Variants in MASP1 observed in about 807,000 individuals in gnomAD.
The protein encoded by MASP1 is mannan-binding lectin serine protease 1.
A neutral mutation model predicts 77.1 loss-of-function variants in MASP1; 59 were observed. The ratio of observed to expected loss-of-function variants is 0.77; its 90% CI spans 0.62 to 0.95. The LOEUF (loss-of-function observed/expected upper bound fraction) is 0.95, where lower values mean the gene tolerates loss of function less well. Ranked by LOEUF, MASP1 falls within the 40% of genes least tolerant of loss-of-function variation. The pLI is 0.00. For missense variants in MASP1, 885 were observed against 912.9 expected (o/e 0.97, Z 0.39); for synonymous variants, 362 against 354.5 (o/e 1.02, Z -0.24).
chr3:187,249,121 G>A lies in MASP1; in HGVS notation c.1090+1130C>T, dbSNP rs553694164. Among the ~76,000 whole-genome samples the A allele has an allele frequency of 9.2e-5, 14 of 152,284 alleles. No individual in the cohort carries two copies. The South Asian group carries it at 1.2e-3, about 14-fold the overall frequency. On this transcript the variant is annotated intron_variant, in intron 8 of 10. Transcript: ENST00000296280. Reference sequence around the variant, plus strand: ...CACCCAGGCTGGAGTGCAGTGGCACGATCTCGGCTCACTGCAATCTCCGCC... The same window carrying A: ...CACCCAGGCTGGAGTGCAGTGGCACAATCTCGGCTCACTGCAATCTCCGCC...
chr3:187,281,665 T>G (rs1717423690), intron 2 of MASP1, among the ~76,000 whole-genome samples: 1 of 152,336 alleles, frequency 6.6e-6, no homozygotes, highest in Middle Eastern at 3.4e-3. Context: ...GATTTCTGTT[T>G]TCTGGTGTTA....
At chr3:187,233,978 C>T, downstream of MASP1, 1 of 715,358 alleles carries the variant, frequency 1.4e-6, no homozygotes, top group East Asian at 6.6e-5. Context: ...ACTTTTTCTG[C>T]AACAAGGGAG....
downstream of MASP1, among the ~76,000 whole-genome samples, chr3:187,232,908 C>T (rs1712857328): frequency 6.6e-6 from 1 of 152,156 alleles, no homozygotes; most frequent in South Asian, 2.1e-4. Context: ...CATTATGGTA[C>T]AAACCAAAAA....
chr3:187,273,589 C>G (rs183576743), intron 2 of MASP1, among the ~76,000 whole-genome samples: 5 of 152,310 alleles, frequency 3.3e-5, no homozygotes, highest in African/African-American at 1.2e-4. Flanking sequence ...CCTGAGCTCA[C>G]CTTCACGGAA....
At chr3:187,227,406 G>A (rs1029738881) in intron 11 of MASP1, among the ~76,000 whole-genome samples, 1 of 152,112 alleles carries the variant, frequency 6.6e-6, no homozygotes, top group African/African-American at 2.4e-5. Context: ...TCTGCCCTTC[G>A]TTTAATGCAG....
chr3:187,271,339 A>C (rs1217378099), intron 2 of MASP1, among the ~76,000 whole-genome samples: 1 of 152,258 alleles, frequency 6.6e-6, no homozygotes, highest in Admixed American at 6.5e-5. Flanking sequence ...AAATGTGGAA[A>C]AAAACTTTTA....
intron 1 of MASP1, among the ~76,000 whole-genome samples, chr3:187,289,447 G>A (rs1176301894): frequency 6.6e-6 from 1 of 152,190 alleles, no homozygotes; most frequent in African/African-American, 2.4e-5. Context: ...AACTTCAACA[G>A]AAGAAGGGAA....
In MASP1 at chr3:187,271,969, A is replaced by G. The variant is rs546428847; in HGVS notation, c.238-9249T>C. On this transcript the variant is annotated intron_variant, in intron 2 of 10. Coordinates refer to ENST00000296280, the MANE Select transcript of MASP1 (RefSeq NM_139125.4). ...CATAAACAATAAGGTGAAAAGTAAA[A>G]TTCTGAGAAAATATCAAGAAACTCA... is the stretch of plus-strand genomic sequence containing the variant. Among the ~76,000 whole-genome samples the G allele has an allele frequency of 7.2e-5, 11 of 152,360 alleles. No individual in the cohort carries two copies. In the South Asian group the frequency reaches 2.3e-3, roughly 32 times the overall value.
At chr3:187,262,414 T>G (rs2108564247) in intron 3 of MASP1, 129 bp downstream of exon 3, 1 of 873,402 alleles carries the variant, frequency 1.1e-6, no homozygotes, top group Non-Finnish European at 1.9e-6. Context: ...AGCAAATGCA[T>G]TAAGACATTA....
chr3:187,219,458 A>T (rs1711909651), exon 16 of MASP1: 1 of 156,534 alleles, frequency 6.4e-6, no homozygotes, highest in Non-Finnish European at 1.4e-5. Context: ...GACATACCAC[A>T]GGACTCAGAA....
intron 10 of MASP1, 79 bp from the exon 11 acceptor site, chr3:187,236,646 A>G (rs2108514777): frequency 1.9e-6 from 3 of 1,611,622 alleles, no homozygotes; most frequent in African/African-American, 1.3e-5. Context: ...ACAAAGATAA[A>G]TTCACATTTC....
chr3:187,232,231 C>CT (rs1208629440), downstream of MASP1, among the ~76,000 whole-genome samples: 3 of 151,726 alleles, frequency 2.0e-5, no homozygotes, highest in African/African-American at 7.3e-5. Flanking sequence ...TCCCTTCCCC[C>CT]CCCCCCCTTT....
chr3:187,251,502 A>G, intron 7 of MASP1, 132 bp downstream of exon 7: 2 of 770,866 alleles, frequency 2.6e-6, no homozygotes, highest in Non-Finnish European at 4.6e-6. Context: ...GCATTTGAGA[A>G]GTTGATGGGC....
intron 2 of MASP1, among the ~76,000 whole-genome samples, chr3:187,270,185 C>A (rs969798503): frequency 3.9e-5 from 6 of 152,196 alleles, no homozygotes; most frequent in South Asian, 2.1e-4. Context: ...CAAATTTAGG[C>A]CTCAAGGGAC....
rs755997708 is a variant in MASP1 at position 187,234,095 on chromosome 3, C to T, written c.*1589G>A. On this transcript the variant is annotated 3_prime_UTR_variant, in exon 11 of 11. Coordinates refer to ENST00000296280, the MANE Select transcript of MASP1 (RefSeq NM_139125.4). ...ATAAGCCAAGGCTGTTGGTTATCCACGAGGGTTTATTTCCACTTGAGACCC... is the reference window on the plus strand; with the variant it reads ...ATAAGCCAAGGCTGTTGGTTATCCATGAGGGTTTATTTCCACTTGAGACCC... The T allele has an allele frequency of 1.8e-5, 23 of 1,273,946 alleles. No individual in the cohort carries two copies. Among genetic ancestry groups the T allele is most frequent in the African/African-American group, 1.5e-4 (10 of 65,504 alleles). The allele number at this position is 1,273,946 out of a possible 1,614,324, so 78.9% of individuals were successfully genotyped here.
chr3:187,282,590 C>G (rs1284408174), intron 2 of MASP1, among the ~76,000 whole-genome samples: 1 of 149,296 alleles, frequency 6.7e-6, no homozygotes, highest in Non-Finnish European at 1.5e-5. Context: ...CCAGAGGGCC[C>G]CTGCAGCCTG....
At chr3:187,219,934 G>T in exon 16 of MASP1, 1 of 839,290 alleles carries the variant, frequency 1.2e-6, no homozygotes, top group Non-Finnish European at 2.0e-6. Flanking sequence ...GAAGATACCT[G>T]CTCTATTGCC....
chr3:187,281,521 T>C (rs1044898415), intron 2 of MASP1, among the ~76,000 whole-genome samples: 30 of 152,332 alleles, frequency 2.0e-4, no homozygotes, highest in African/African-American at 7.2e-4. Context: ...AGTTTCTTGG[T>C]AAAGAACAGT....
intron 10 of MASP1, among the ~76,000 whole-genome samples, chr3:187,237,197 G>A (rs1447790547): frequency 6.6e-6 from 1 of 152,182 alleles, no homozygotes; most frequent in Non-Finnish European, 1.5e-5. Flanking sequence ...ATGATCTCCA[G>A]GGATCCTTCA....
Sources: gnomAD v4.1 joint callset for allele counts (sites outside exome capture counted in the v4.1 genomes callset) on GRCh38, gnomAD v4.1.1 for gene constraint, MANE v1.5 for transcripts, NCBI Gene and HGNC (gene_info 2026-07-23, HGNC 2026-07-21) for gene names.